TDRD6: variants seen among roughly 807,000 people sequenced by gnomAD.
TDRD6 encodes the protein tudor domain-containing protein 6.
In TDRD6, 186 loss-of-function variants were observed where a neutral mutation model predicts 157.5. The ratio of observed to expected loss-of-function variants is 1.18; its 90% CI spans 1.05 to 1.33. TDRD6 has a LOEUF of 1.33. Among genes scored for constraint, TDRD6 ranks in the 40% most tolerant of loss-of-function variants. TDRD6 has a pLI of 0.00. For synonymous variants in TDRD6, 1,075 were observed against 945.2 expected (o/e 1.14, Z -2.52); for missense variants, 3,066 against 2,508.0 (o/e 1.22, Z -4.75).
In TDRD6 at chr6:46,689,057, C is replaced by T. The variant is rs1387394766; in HGVS notation, c.929C>T (p.Pro310Leu). ...SATWEEREES[P>L]DKPGSPCASC... ...ACCTGGGAGGAGAGGGAGGAGAGCC[C>T]AGATAAGCCGGGCTCTCCGTGTGCA... Residue 310 changes from proline to leucine, a missense_variant, in exon 1 of 4, where the codon CCA becomes CTA. Pro to Leu is a moderately conservative substitution (Grantham distance 98). Coordinates refer to ENST00000316081, the MANE Select transcript of TDRD6 (RefSeq NM_001010870.3). The T allele has an allele frequency of 3.7e-6, 6 of 1,613,902 alleles. No individual in the cohort carries two copies. Among genetic ancestry groups the T allele is most frequent in the Non-Finnish European group, 4.2e-6 (5 of 1,179,954 alleles).
chr6:46,690,750 G>A lies in TDRD6; in HGVS notation c.2622G>A (p.Lys874=), dbSNP rs45593733. The A allele has an allele frequency of 2.3e-5, 37 of 1,614,102 alleles. No homozygotes were observed. Among genetic ancestry groups the A allele is most frequent in the Non-Finnish European group, 2.8e-5 (33 of 1,180,010 alleles). ...ATTCAATTAGTGAAGAATTTCTGAA[G>A]GTTAAGGCACAGGCTTTTAGGTGCA... The part of the protein sequence containing the change: ...NIYSISEEFL[K]VKAQAFRCSL... The change falls in exon 1 of 4, where the codon AAG becomes AAA. Residue 874 remains lysine (K), a synonymous_variant. Transcript: ENST00000316081.
chr6:46,698,074 A>C lies in TDRD6; in HGVS notation c.6248A>C (p.Lys2083Thr). ...TGGAATGGCATACCCAAATTGGATAAGAGTCCACCTGAGGTATGGAATTCT... is the reference window on the plus strand; with the variant it reads ...TGGAATGGCATACCCAAATTGGATACGAGTCCACCTGAGGTATGGAATTCT... ...NVWNGIPKLD[K>T]SPPEKRGLEV... The change falls in exon 3 of 4, where the codon AAG becomes ACG. Residue 2083 changes from lysine to threonine, a missense_variant. Physicochemically the swap from Lys to Thr is moderately conservative, Grantham distance 78. Transcript: ENST00000316081. 6.2e-7 allele frequency: 1 copy of C among 1,604,616 alleles called. No homozygotes were observed.
upstream of TDRD6, chr6:46,687,839 C>G (rs1764143722): frequency 2.6e-6 from 1 of 384,820 alleles, no homozygotes. Context: ...GCTGGCCCCG[C>G]CCACTCTCCG....
rs778405786 is a variant in TDRD6, at chr6:46,689,381, T to G, written c.1253T>G (p.Val418Gly). The G allele has an allele frequency of 2.5e-6, 4 of 1,613,918 alleles. No individual in the cohort carries two copies. The South Asian group carries it at 4.4e-5, about 18-fold the overall frequency. Residue 418 changes from valine (V) to glycine (G), a missense_variant, in exon 1 of 4, where the codon GTG becomes GGG. Val to Gly is a moderately radical substitution (Grantham distance 109). Coordinates refer to ENST00000316081, the MANE Select transcript of TDRD6 (RefSeq NM_001010870.3). Reference protein sequence around the residue: ...KIEFYCSFEHVYYVSLYGEDG... With the variant: ...KIEFYCSFEHGYYVSLYGEDG... The stretch of plus-strand genomic sequence containing the variant: ...GAATTTTATTGCTCCTTTGAGCATG[T>G]GTATTATGTCAGCCTGTATGGAGAA...
rs780805149 is a variant in TDRD6, at chr6:46,691,938, A to C, written c.3810A>C (p.Ala1270=). ...CTGCTGAGACACCCTTGAAAACAGC[A>C]AGAGTAGAAGCTACTCTTTCAGAGA... ...EISAETPLKT[A]RVEATLSERK... is the part of the protein sequence containing the mutation. Residue 1270 remains alanine (A), a synonymous_variant, in exon 1 of 4, where the codon GCA becomes GCC. Transcript: ENST00000316081. The C allele has an allele frequency of 2.5e-6, 4 of 1,606,612 alleles. No homozygotes were observed. Among genetic ancestry groups the C allele is most frequent in the South Asian group, 2.2e-5 (2 of 89,462 alleles).
chr6:46,697,090 A>T (rs1764520745), intron 2 of TDRD6, among the ~76,000 whole-genome samples: 1 of 152,106 alleles, frequency 6.6e-6, no homozygotes, highest in Admixed American at 6.5e-5. Context: ...TTAAGTGTTT[A>T]TGTACTCTCT....
intron 2 of TDRD6, among the ~76,000 whole-genome samples, chr6:46,696,448 G>GTGTA (rs1384075570): frequency 1.0e-5 from 1 of 96,398 alleles, no homozygotes; most frequent in Non-Finnish European, 2.0e-5. Context: ...GAGTTACTTG[G>GTGTA]TATATATATA....
At chr6:46,694,199 A>AT in intron 1 of TDRD6, 25 bp downstream of exon 1, 1 of 1,265,688 alleles carries the variant, frequency 7.9e-7, no homozygotes, top group South Asian at 2.0e-5. Flanking sequence ...TTTCCTTTTT[A>AT]CTTTTTTTTT....
chr6:46,696,065 G>A, intron 2 of TDRD6, 120 bp downstream of exon 2: 1 of 1,090,496 alleles, frequency 9.2e-7, no homozygotes, highest in South Asian at 1.6e-5. Flanking sequence ...TGTTCCCCCT[G>A]ATAACTTGAT....
Position 46,690,377 on chromosome 6 carries a change from C to T in TDRD6, c.2249C>T (p.Pro750Leu). 1 of 1,613,772 alleles carries T rather than the reference C, an allele frequency of 6.2e-7. No homozygotes were observed. ...EKVKRASVYFPLMQNCLEIKP... is the reference protein window; with the variant it reads ...EKVKRASVYFLLMQNCLEIKP... ...GTGAAAAGAGCATCTGTTTATTTTC[C>T]TCTTATGCAGAATTGCTTGGAAATT... Residue 750 changes from proline (P) to leucine (L), a missense_variant, in exon 1 of 4, where the codon CCT becomes CTT. Pro to Leu is a moderately conservative substitution (Grantham distance 98, BLOSUM62 -3). Transcript: ENST00000316081.
At chr6:46,695,050 A>G (rs539734423) in intron 1 of TDRD6, among the ~76,000 whole-genome samples, 1 of 152,312 alleles carries the variant, frequency 6.6e-6, no homozygotes, top group Middle Eastern at 3.4e-3. Context: ...CTACTTAAAA[A>G]GAATTGTTAA....
In TDRD6 at chr6:46,693,800, T is replaced by A; in HGVS notation, c.5672T>A (p.Phe1891Tyr). Residue 1891 changes from phenylalanine (F) to tyrosine (Y), a missense_variant, in exon 1 of 4, where the codon TTT (phenylalanine) becomes TAT (tyrosine). Phe to Tyr is a conservative substitution (Grantham distance 22). Coordinates refer to ENST00000316081, the MANE Select transcript of TDRD6 (RefSeq NM_001010870.3). Reference protein sequence around the residue: ...ECVTKGAMELFTLQLPLSCEA... With the variant: ...ECVTKGAMELYTLQLPLSCEA... ...GTCACAAAAGGCGCCATGGAGCTAT[T>A]TACACTGCAGCTTCCTCTCAGCTGT... is the stretch of plus-strand genomic sequence containing the variant. The A allele has an allele frequency of 6.2e-7, 1 of 1,614,166 alleles. No homozygotes were observed. Among genetic ancestry groups the A allele is most frequent in the Non-Finnish European group, 8.5e-7 (1 of 1,180,040 alleles).
In TDRD6 at chr6:46,689,239, G is replaced by T. The variant is rs772817512; in HGVS notation, c.1111G>T (p.Val371Leu). 2.5e-6 allele frequency: 4 copies of T among 1,614,172 alleles called. 1 individual carries two copies. Reference protein sequence around the residue: ...YLLPEYFRMPVVTYPCALYGL... With the variant: ...YLLPEYFRMPLVTYPCALYGL... ...GCTGCCTGAATATTTTCGAATGCCGGTGGTGACCTACCCTTGTGCTTTGTA... is the reference window on the plus strand; with the variant it reads ...GCTGCCTGAATATTTTCGAATGCCGTTGGTGACCTACCCTTGTGCTTTGTA... The change falls in exon 1 of 4, where the codon GTG (valine) becomes TTG (leucine). Residue 371 changes from valine (V) to leucine (L), a missense_variant. Transcript: ENST00000316081.
At chr6:46,695,030 C>T (rs1764456419) in intron 1 of TDRD6, among the ~76,000 whole-genome samples, 1 of 152,038 alleles carries the variant, frequency 6.6e-6, no homozygotes, top group Non-Finnish European at 1.5e-5. Context: ...ATTATTTTTA[C>T]TACTGTTTGC....
chr6:46,701,418 A>T (rs1180746146), intron 3 of TDRD6, among the ~76,000 whole-genome samples: 2 of 152,154 alleles, frequency 1.3e-5, no homozygotes, highest in Non-Finnish European at 2.9e-5. Context: ...TTTATATAAG[A>T]TTCAAATTAT....
rs751309501 is a variant in TDRD6 at position 46,689,558 on chromosome 6, C to T, written c.1430C>T (p.Ala477Val). 5 of 1,614,122 alleles carry T rather than the reference C, an allele frequency of 3.1e-6. No individual in the cohort carries two copies. Among genetic ancestry groups the T allele is most frequent in the Non-Finnish European group, 4.2e-6 (5 of 1,180,028 alleles). ...GTAGATGAAGAGATTTCACTCCCAG[C>T]CTTAAGATCTATCAGGTTAAAGATG... is the stretch of plus-strand genomic sequence containing the variant. ...EEVDEEISLP[A>V]LRSIRLKMNA... Residue 477 changes from alanine to valine, a missense_variant, in exon 1 of 4, where the codon GCC becomes GTC. Ala to Val is a moderately conservative substitution (Grantham distance 64). Coordinates refer to ENST00000316081, the MANE Select transcript of TDRD6 (RefSeq NM_001010870.3).
chr6:46,697,143 C>A (rs1459493124), intron 2 of TDRD6, among the ~76,000 whole-genome samples: 1 of 152,092 alleles, frequency 6.6e-6, no homozygotes, highest in African/African-American at 2.4e-5. Context: ...ATTAAATGGA[C>A]ATCAAAATTC....
chr6:46,688,786 G>C lies in TDRD6; in HGVS notation c.658G>C (p.Val220Leu). 6.2e-7 allele frequency: 1 copy of C among 1,609,770 alleles called. No individual in the cohort carries two copies. ...CTATCTCACAGCGGCCACTGCTAGCGTGGGCTCCGGGGTCCCGGTTCTCTC... is the reference window on the plus strand; with the variant it reads ...CTATCTCACAGCGGCCACTGCTAGCCTGGGCTCCGGGGTCCCGGTTCTCTC... ...ERYLTAATAS[V>L]GSGVPVLSRV... Residue 220 changes from valine to leucine, a missense_variant, in exon 1 of 4, where the codon GTG (valine) becomes CTG (leucine). By Grantham distance (32) the Val-to-Leu change is conservative. Transcript: ENST00000316081.
rs1327334117 is a variant in TDRD6, at chr6:46,688,255, T to A, written c.127T>A (p.Tyr43Asn). ...WGLVGERRGE[Y>N]LRLSREIQEA... ...GCTGGTGGGCGAGCGGCGGGGCGAG[T>A]ACCTGCGGCTGAGCCGGGAAATCCA... The change falls in exon 1 of 4, where the codon TAC (tyrosine) becomes AAC (asparagine). Residue 43 changes from tyrosine (Y) to asparagine (N), a missense_variant. Coordinates refer to ENST00000316081, the MANE Select transcript of TDRD6 (RefSeq NM_001010870.3). 2.0e-6 allele frequency: 3 copies of A among 1,510,716 alleles called. No individual in the cohort carries two copies. In the Admixed American group the frequency reaches 6.5e-5, roughly 33 times the overall value. 93.6% of individuals were successfully genotyped at this position (1,510,716 alleles called of 1,614,324 possible). A position where few individuals can be genotyped will look rare whatever the true frequency, so the allele number is the denominator to read the frequency against.
Sources: gnomAD v4.1 joint callset for allele counts (sites outside exome capture counted in the v4.1 genomes callset) on GRCh38, gnomAD v4.1.1 for gene constraint, MANE v1.5 for transcripts, NCBI Gene and HGNC (gene_info 2026-07-23, HGNC 2026-07-21) for gene names.